Variants in JMJD1C observed in about 807,000 individuals in gnomAD.
JMJD1C encodes jumonji domain containing 1C.
JMJD1C carries 31 observed loss-of-function variants against 245.3 expected under a neutral mutation model. The ratio of observed to expected loss-of-function variants is 0.13; its 90% CI spans 0.09 to 0.17. JMJD1C has a LOEUF of 0.17. Among genes scored for constraint, JMJD1C ranks in the 10% least tolerant of loss-of-function variants. The pLI is 1.00. For synonymous variants in JMJD1C, 1,057 were observed against 1,017.4 expected (o/e 1.04, Z -0.74); for missense variants, 2,691 against 3,000.2 (o/e 0.90, Z 2.41).
At chr10:63,409,266 G>C (rs1009127542) in intron 1 of JMJD1C, among the ~76,000 whole-genome samples, 1 of 152,116 alleles carries the variant, frequency 6.6e-6, no homozygotes, top group Non-Finnish European at 1.5e-5. Flanking sequence ...TTCTGGGAGG[G>C]ATGGAACTGG....
Position 63,213,878 on chromosome 10 carries a change from A to C in JMJD1C, c.2289T>G (p.His763Gln). The C allele has an allele frequency of 6.2e-7, 1 of 1,614,154 alleles. No homozygotes were observed. Among genetic ancestry groups the C allele is most frequent in the Non-Finnish European group, 8.5e-7 (1 of 1,180,008 alleles). Residue 763 changes from histidine to glutamine, a missense_variant, in exon 8 of 26, where the codon CAT becomes CAG. Coordinates refer to ENST00000399262, the MANE Select transcript of JMJD1C (RefSeq NM_032776.3). The part of the protein sequence containing the change: ...THHPALTPAP[H>Q]LLAGSSSQTP... ...TTTGACTAGATGATCCGGCTAGTAA[A>C]TGGGGTGCAGGAGTTAAGGCAGGAT...
rs191096157 is a variant in JMJD1C, at chr10:63,484,352, A to C, written n.113+37386T>G. On this transcript the variant is annotated intron_variant and non_coding_transcript_variant, in intron 1 of 3. Coordinates refer to the JMJD1C transcript ENST00000633035. ...GATCCTAAGAACCACCATTTCAAAA[A>C]CTCATAATGGACTTCGTATTTTTTG... Among the ~76,000 whole-genome samples the C allele has an allele frequency of 6.5e-4, 99 of 152,098 alleles. 1 individual carries two copies. Among genetic ancestry groups the C allele is most frequent in the Admixed American group, 2.3e-3 (35 of 15,264 alleles).
chr10:63,167,754 C>T lies in JMJD1C; in HGVS notation c.*291G>A. The T allele has an allele frequency of 8.6e-6, 2 of 231,488 alleles. No individual in the cohort carries two copies. Among genetic ancestry groups the T allele is most frequent in the Non-Finnish European group, 1.7e-5 (2 of 118,916 alleles). 14.3% of individuals were successfully genotyped at this position (231,488 alleles called of 1,614,324 possible). ...TAGCATAGAATTTTTTATTTTTTAC[C>T]AAAAATAAATACATCATTTTAAATC... On this transcript the variant is annotated 3_prime_UTR_variant, in exon 26 of 26. Coordinates refer to ENST00000399262, the MANE Select transcript of JMJD1C (RefSeq NM_032776.3).
intron 1 of JMJD1C, among the ~76,000 whole-genome samples, chr10:63,495,730 C>T (rs1384648035): frequency 6.8e-6 from 1 of 147,040 alleles, no homozygotes; most frequent in African/African-American, 2.5e-5. Flanking sequence ...TGCACTCCAG[C>T]CTCAAAAAAA....
intron 1 of JMJD1C, among the ~76,000 whole-genome samples, chr10:63,432,211 T>A (rs1014250105): frequency 1.3e-5 from 2 of 152,142 alleles, no homozygotes; most frequent in Non-Finnish European, 2.9e-5. Flanking sequence ...TTTCTATACA[T>A]CTGATGTATG....
At position 63,311,525 on chromosome 10, in the gene JMJD1C, A is replaced by G. The variant is rs560011847; in HGVS notation, c.334-46761T>C. Among the ~76,000 whole-genome samples the G allele has an allele frequency of 2.0e-5, 3 of 152,348 alleles. No homozygotes were observed. The South Asian group carries it at 6.2e-4, about 32-fold the overall frequency. On this transcript the variant is annotated intron_variant, in intron 2 of 25. Coordinates refer to ENST00000399262, the MANE Select transcript of JMJD1C (RefSeq NM_032776.3). ...AAAAAGAAAAACCAAGAAACCTAAA[A>G]GTTATTAAAAAGAATTATGGATAAA... is the stretch of plus-strand genomic sequence containing the variant.
At chr10:63,481,685 C>T (rs559405684) in intron 1 of JMJD1C, among the ~76,000 whole-genome samples, 3 of 152,278 alleles carry the variant, frequency 2.0e-5, no homozygotes, top group East Asian at 1.9e-4. Flanking sequence ...GATACAAACA[C>T]TTCTTTCAAA....
At chr10:63,386,148 C>A (rs560234807) in intron 1 of JMJD1C, among the ~76,000 whole-genome samples, 2 of 152,186 alleles carry the variant, frequency 1.3e-5, no homozygotes, top group Non-Finnish European at 2.9e-5. Flanking sequence ...ATCAACAGCC[C>A]TGAAGGAAAA....
At chr10:63,365,705 A>G (rs1359888223) in intron 2 of JMJD1C, among the ~76,000 whole-genome samples, 3 of 152,264 alleles carry the variant, frequency 2.0e-5, no homozygotes, top group Admixed American at 6.5e-5. Flanking sequence ...ATCAATTAAC[A>G]TGATTATCCC....
intron 1 of JMJD1C, among the ~76,000 whole-genome samples, chr10:63,446,377 C>A (rs1262925955): frequency 6.6e-6 from 1 of 152,048 alleles, no homozygotes; most frequent in Non-Finnish European, 1.5e-5. Context: ...GTCTGAGATG[C>A]CTATTAGACA....
chr10:63,490,968 A>G (rs768030774), intron 1 of JMJD1C, among the ~76,000 whole-genome samples: 2 of 152,220 alleles, frequency 1.3e-5, no homozygotes, highest in Non-Finnish European at 2.9e-5. Flanking sequence ...CAATCTATAG[A>G]TAGCTCATTT....
chr10:63,449,117 A>AAAAATAAAATAAAAT (rs367691693), intron 1 of JMJD1C, among the ~76,000 whole-genome samples: 1 of 151,974 alleles, frequency 6.6e-6, no homozygotes, highest in Admixed American at 6.6e-5. Context: ...ACTCCGTCTC[A>AAAAATAAAATAAAAT]AAAATAAAAT....
chr10:63,224,491 T>C (rs1053734852), intron 3 of JMJD1C, among the ~76,000 whole-genome samples: 8 of 152,224 alleles, frequency 5.3e-5, no homozygotes, highest in Non-Finnish European at 1.0e-4. Flanking sequence ...CTTTGTAAGT[T>C]ACAGGGATTT....
chr10:63,337,181 TA>T (rs1942822727), intron 2 of JMJD1C, among the ~76,000 whole-genome samples: 1 of 151,290 alleles, frequency 6.6e-6, no homozygotes, highest in Non-Finnish European at 1.5e-5. Context: ...AAATGCTTTG[TA>T]AAATCATAGA....
At chr10:63,497,820 C>T (rs1281920333) in intron 1 of JMJD1C, among the ~76,000 whole-genome samples, 2 of 152,016 alleles carry the variant, frequency 1.3e-5, no homozygotes, top group East Asian at 3.9e-4. Flanking sequence ...AAAGTGGAGG[C>T]GCAAGTAGCA....
rs796870523 is a variant in JMJD1C, at chr10:63,450,129, A to T, written c.168+15366T>A. Among the ~76,000 whole-genome samples the T allele has an allele frequency of 1.2e-4, 18 of 152,294 alleles. 1 individual carries two copies. Among genetic ancestry groups the T allele is most frequent in the African/African-American group, 4.3e-4 (18 of 41,568 alleles). On this transcript the variant is annotated intron_variant, in intron 1 of 25. Transcript: ENST00000399262. ...CCCTGTCTCAAAAAACAAAAAACAA[A>T]AAAAGAGGAAAAGAAAAGCAAAATT...
intron 1 of JMJD1C, among the ~76,000 whole-genome samples, chr10:63,431,958 G>A (rs1278528620): frequency 6.6e-6 from 1 of 152,206 alleles, no homozygotes; most frequent in Non-Finnish European, 1.5e-5. Flanking sequence ...GTTGCGGTGA[G>A]CCAAGATGGC....
intron 3 of JMJD1C, among the ~76,000 whole-genome samples, chr10:63,248,682 G>A (rs1852618727): frequency 6.6e-6 from 1 of 152,042 alleles, no homozygotes; most frequent in Non-Finnish European, 1.5e-5. Flanking sequence ...AAACTTCTCA[G>A]AAAACTAAAA....
chr10:63,239,128 G>C lies in JMJD1C; in HGVS notation c.448-19145C>G, dbSNP rs147931468. On this transcript the variant is annotated intron_variant, in intron 3 of 25. Transcript: ENST00000399262. ...GAGTTGGAACTTCAAAACTGCAAGG[G>C]CATCTGCCAGATAATAAGAGATCAG... 9.5e-4 allele frequency among the ~76,000 whole-genome samples: 145 copies of C among 152,268 alleles called. 1 individual carries two copies. The highest frequency in any genetic ancestry group is 3.4e-3 in the African/African-American group (143 of 41,540).
Sources: allele counts gnomAD v4.1 joint callset (sites outside exome capture counted in the v4.1 genomes callset), GRCh38; gene constraint gnomAD v4.1.1; transcripts MANE v1.5; gene names NCBI Gene and HGNC (gene_info 2026-07-23, HGNC 2026-07-21).